The following ARHGAP11A variants were observed in gnomAD, a reference collection of about 807,000 sequenced individuals.
The protein encoded by ARHGAP11A is Rho GTPase activating protein 11A.
In ARHGAP11A, 36 loss-of-function variants were observed where a neutral mutation model predicts 60.5. That is an observed-to-expected ratio of 0.59 (90% CI 0.46 to 0.79). The LOEUF (loss-of-function observed/expected upper bound fraction) is 0.79. ARHGAP11A is among the 30% of genes least tolerant of loss of function. The pLI is 0.00. For missense variants in ARHGAP11A, 1,071 were observed against 1,199.2 expected, an observed-to-expected ratio of 0.89 and a Z score of 1.58; for synonymous variants, 362 against 415.5, an observed-to-expected ratio of 0.87 and a Z score of 1.57.
chr15:32,628,648 A>T (rs2053521958), intron 6 of ARHGAP11A, 80 bp from the exon 7 acceptor site: 2 of 1,126,506 alleles, frequency 1.8e-6, no homozygotes, highest in Non-Finnish European at 2.5e-6. Flanking sequence ...ATGTTGAAAG[A>T]AGACTGCAAA....
In ARHGAP11A at chr15:32,637,681, A is replaced by G; in HGVS notation, c.2908A>G (p.Ile970Val). The G allele has an allele frequency of 1.9e-6, 3 of 1,614,182 alleles. No homozygotes were observed. Among genetic ancestry groups the G allele is most frequent in the East Asian group, 2.2e-5 (1 of 44,880 alleles). ...CTTGGATGATCTGACTAATCATGAT[A>G]TAGTAAAACCAGTTGTAAATAACAA... ...VPLDDLTNHD[I>V]VKPVVNNNMG... Residue 970 changes from isoleucine (I) to valine (V), a missense_variant, in exon 12 of 12, where the codon ATA (isoleucine) becomes GTA (valine). Transcript: ENST00000361627.
intron 1 of ARHGAP11A, among the ~76,000 whole-genome samples, chr15:32,617,471 CTT>C (rs1168851603): frequency 9.8e-6 from 1 of 102,004 alleles, no homozygotes; most frequent in Non-Finnish European, 1.9e-5. Flanking sequence ...TTTTCTTTTC[CTT>C]TTTTTTTTTT....
At chr15:32,626,023 C>T (rs1026250877) in intron 6 of ARHGAP11A, among the ~76,000 whole-genome samples, 15 of 151,836 alleles carry the variant, frequency 9.9e-5, no homozygotes, top group Admixed American at 2.6e-4. Context: ...TAACCTATGT[C>T]TAATGTAGAT....
rs558781142 is a variant in ARHGAP11A, at chr15:32,639,412, G to A, written c.*1567G>A. ...TGTTTATTTGATATCAAATAGGTTTGTAGATGTTTATGGCATTTCTAATTG... is the reference window on the plus strand; with the variant it reads ...TGTTTATTTGATATCAAATAGGTTTATAGATGTTTATGGCATTTCTAATTG... On this transcript the variant is annotated 3_prime_UTR_variant, in exon 12 of 12. Coordinates refer to ENST00000361627, the MANE Select transcript of ARHGAP11A (RefSeq NM_014783.6). The A allele has an allele frequency of 6.6e-6, 1 of 152,320 alleles. No individual in the cohort carries two copies. Among genetic ancestry groups the A allele is most frequent in the East Asian group, 1.9e-4 (1 of 5,182 alleles). The allele number at this position is 152,320 out of a possible 1,614,324, so 9.4% of individuals were successfully genotyped here. A position where few individuals can be genotyped will look rare whatever the true frequency, so the allele number is the denominator to read the frequency against.
chr15:32,637,515 T>G lies in ARHGAP11A; in HGVS notation c.2742T>G (p.Gly914=). ...KSMSCEESNI[G]AISKSSMELP... Reference sequence around the variant, plus strand: ...TGTCATGTGAAGAGTCAAATATTGGTGCAATTTCAAAGTCAAGCATGGAGT... The same window carrying G: ...TGTCATGTGAAGAGTCAAATATTGGGGCAATTTCAAAGTCAAGCATGGAGT... Residue 914 remains glycine (G), a synonymous_variant, in exon 12 of 12, where the codon GGT becomes GGG. Coordinates refer to ENST00000361627, the MANE Select transcript of ARHGAP11A (RefSeq NM_014783.6). The G allele has an allele frequency of 6.2e-7, 1 of 1,613,936 alleles. No homozygotes were observed. Among genetic ancestry groups the G allele is most frequent in the Non-Finnish European group, 8.5e-7 (1 of 1,179,996 alleles).
At chr15:32,633,189 C>T in intron 9 of ARHGAP11A, 81 bp downstream of exon 9, 3 of 1,488,240 alleles carry the variant, frequency 2.0e-6, no homozygotes, top group Non-Finnish European at 1.8e-6. Flanking sequence ...GTCTTTCTGT[C>T]AAGCATCATA....
rs1452495070 is a variant in ARHGAP11A, at chr15:32,623,854, T to C, written c.297+266T>C. The stretch of plus-strand genomic sequence containing the variant: ...GAAAAAAATGTGTTAAGTTATATTG[T>C]TGTTAGCCTTCTAGAAGGAGTGATA... On this transcript the variant is annotated intron_variant, in intron 3 of 11. Coordinates refer to ENST00000361627, the MANE Select transcript of ARHGAP11A (RefSeq NM_014783.6). Among the ~76,000 whole-genome samples the C allele has an allele frequency of 3.9e-5, 6 of 152,272 alleles. No homozygotes were observed. The East Asian group carries it at 7.7e-4, about 20-fold the overall frequency.
chr15:32,634,092 C>A, intron 10 of ARHGAP11A, 51 bp downstream of exon 10: 1 of 1,283,706 alleles, frequency 7.8e-7, no homozygotes, highest in East Asian at 2.6e-5. Flanking sequence ...ACGCTATAAA[C>A]TTGATACTAA....
intron 9 of ARHGAP11A, 72 bp downstream of exon 9, chr15:32,633,180 T>A: frequency 6.5e-7 from 1 of 1,534,014 alleles, no homozygotes; most frequent in Non-Finnish European, 8.9e-7. Flanking sequence ...AAATGTTTTG[T>A]CTTTCTGTCA....
At chr15:32,628,683 G>A in intron 6 of ARHGAP11A, 45 bp from the exon 7 acceptor site, 1 of 1,427,492 alleles carries the variant, frequency 7.0e-7, no homozygotes, top group Non-Finnish European at 9.5e-7. Context: ...ATTGGTGAAA[G>A]ACAAGTAAAT....
intron 9 of ARHGAP11A, 102 bp downstream of exon 9, chr15:32,633,210 A>G: frequency 1.7e-5 from 23 of 1,322,008 alleles, no homozygotes; most frequent in Non-Finnish European, 2.4e-5. Flanking sequence ...TTTGAGTCAT[A>G]ATTTTTTAAA....
chr15:32,621,578 C>G (rs181173211), intron 2 of ARHGAP11A, among the ~76,000 whole-genome samples: 2,802 of 150,338 alleles, frequency 0.019, no homozygotes, highest in Middle Eastern at 0.042. Flanking sequence ...GTAATCCCAG[C>G]ACTTTGGGAG....
At position 32,636,499 on chromosome 15, in the gene ARHGAP11A, A is replaced by G; in HGVS notation, c.1726A>G (p.Asn576Asp). The change falls in exon 12 of 12, where the codon AAT (asparagine) becomes GAT (aspartate). Residue 576 changes from asparagine (N) to aspartate (D), a missense_variant. Asn to Asp is a conservative substitution (Grantham distance 23). This residue lies in a region of ARHGAP11A where 776 missense variants were observed against 760.2 expected (regional missense o/e 1.02). Transcript: ENST00000361627. The part of the protein sequence containing the change: ...LTPSNLNNKH[N>D]SNITSSPLSG... Reference sequence around the variant, plus strand: ...CCCTTCCAATTTAAACAATAAGCATAATAGCAACATAACAAGTAGCCCTCT... The same window carrying G: ...CCCTTCCAATTTAAACAATAAGCATGATAGCAACATAACAAGTAGCCCTCT... 2 of 1,614,056 alleles carry G rather than the reference A, an allele frequency of 1.2e-6. No homozygotes were observed. Among genetic ancestry groups the G allele is most frequent in the African/African-American group, 2.7e-5 (2 of 75,046 alleles).
At chr15:32,630,532 C>T (rs1392392087) in intron 8 of ARHGAP11A, among the ~76,000 whole-genome samples, 1 of 150,224 alleles carries the variant, frequency 6.7e-6, no homozygotes, top group East Asian at 2.0e-4. Context: ...ATTTATCTTA[C>T]ATTTAGTCAA....
In ARHGAP11A at chr15:32,638,244, T is replaced by G. The variant is rs2053770230; in HGVS notation, c.*399T>G. 6.2e-6 allele frequency: 1 copy of G among 161,590 alleles called. No individual in the cohort carries two copies. Among genetic ancestry groups the G allele is most frequent in the South Asian group, 1.8e-4 (1 of 5,520 alleles). 10.0% of individuals were successfully genotyped at this position (161,590 alleles called of 1,614,324 possible). A position where few individuals can be genotyped will look rare whatever the true frequency, so the allele number is the denominator to read the frequency against. On this transcript the variant is annotated 3_prime_UTR_variant, in exon 12 of 12. Coordinates refer to ENST00000361627, the MANE Select transcript of ARHGAP11A (RefSeq NM_014783.6). ...GCCCGCCACCACGCCCAGCTAATTT[T>G]TTGTATTTTTAGTAGAGACGGTTTC... is the stretch of plus-strand genomic sequence containing the variant.
chr15:32,621,291 A>G lies in ARHGAP11A; in HGVS notation c.200+1113A>G, dbSNP rs557862353. Among the ~76,000 whole-genome samples the G allele has an allele frequency of 1.2e-4, 17 of 143,812 alleles. No homozygotes were observed. In the South Asian group the frequency reaches 3.7e-3, roughly 31 times the overall value. 94.3% of individuals were successfully genotyped at this position (143,812 alleles called of 152,430 possible). ...CCGCAACCTTCACCTCCTGGGTTCAAGTGATTCTCCTGCCTCAGCCTCCGG... is the reference window on the plus strand; with the variant it reads ...CCGCAACCTTCACCTCCTGGGTTCAGGTGATTCTCCTGCCTCAGCCTCCGG... On this transcript the variant is annotated intron_variant, in intron 2 of 11. Coordinates refer to ENST00000361627, the MANE Select transcript of ARHGAP11A (RefSeq NM_014783.6).
intron 1 of ARHGAP11A, among the ~76,000 whole-genome samples, chr15:32,617,529 T>A (rs1483527461): frequency 4.2e-5 from 6 of 142,334 alleles, no homozygotes; most frequent in Non-Finnish European, 6.0e-5. Context: ...TGGAGTGCAG[T>A]GGCGCGATCT....
chr15:32,618,904 T>C (rs60252695), intron 1 of ARHGAP11A, among the ~76,000 whole-genome samples: 41,413 of 151,974 alleles, frequency 0.27, 5,778 homozygotes, highest in Admixed American at 0.3. Context: ...TGAGCCGAGA[T>C]TGCGCCACTG....
At position 32,639,013 on chromosome 15, in the gene ARHGAP11A, C is replaced by T. The variant is rs2053787856; in HGVS notation, c.*1168C>T. Reference sequence around the variant, plus strand: ...CTGTGTGTAAATGTTATTTATTTAGCATAGACATTAAAGATAACTCTCTGG... The same window carrying T: ...CTGTGTGTAAATGTTATTTATTTAGTATAGACATTAAAGATAACTCTCTGG... On this transcript the variant is annotated 3_prime_UTR_variant, in exon 12 of 12. Transcript: ENST00000361627. The T allele has an allele frequency of 6.6e-6, 1 of 152,612 alleles. No individual in the cohort carries two copies. Among genetic ancestry groups the T allele is most frequent in the Non-Finnish European group, 1.5e-5 (1 of 68,032 alleles). 9.5% of individuals were successfully genotyped at this position (152,612 alleles called of 1,614,324 possible).
Sources: allele counts gnomAD v4.1 joint callset (sites outside exome capture counted in the v4.1 genomes callset), GRCh38; gene constraint gnomAD v4.1.1; regional missense constraint gnomAD v4.1.1; transcripts MANE v1.5; gene names NCBI Gene and HGNC (gene_info 2026-07-23, HGNC 2026-07-21).